The following BLTP1 variants were observed in gnomAD, a reference collection of about 807,000 sequenced individuals.
BLTP1 encodes fragile site-associated protein.
At chr4:122,239,479 G>C in the BLTP1 span, 1 of 1,449,292 alleles carries the variant, frequency 6.9e-7, no homozygotes, top group African/African-American at 1.4e-5. Context: ...ATTTTATGAT[G>C]TATAGAAAAT....
chr4:122,238,089 T>C, the BLTP1 span: 19 of 1,613,572 alleles, frequency 1.2e-5, no homozygotes, highest in Admixed American at 5.0e-5. Flanking sequence ...TTTGTTTGTT[T>C]AGGTAATGTG....
the BLTP1 span, chr4:122,207,382 AT>A: frequency 7.2e-7 from 1 of 1,384,628 alleles, no homozygotes; most frequent in African/African-American, 1.5e-5. Context: ...TCCCCCCATT[AT>A]CTTTGTGAGA....
chr4:122,174,914 C>T, the BLTP1 span: 1 of 431,258 alleles, frequency 2.3e-6, no homozygotes, highest in Non-Finnish European at 3.1e-6. Context: ...CTTTAAATTG[C>T]CTGACCATTT....
At chr4:122,187,819 A>T in the BLTP1 span, 1 of 1,428,624 alleles carries the variant, frequency 7.0e-7, no homozygotes. Flanking sequence ...GTTTGTTATT[A>T]GTTTAGCTAA....
the BLTP1 span, chr4:122,346,313 C>G: frequency 3.1e-6 from 1 of 324,852 alleles, no homozygotes; most frequent in East Asian, 1.7e-4. Context: ...CCTGATGATT[C>G]ATTTTCCATA....
the BLTP1 span, chr4:122,172,862 C>T: frequency 8.6e-3 from 7,847 of 915,164 alleles, 492 homozygotes; most frequent in African/African-American, 0.13. Context: ...AAACATTGCT[C>T]TAATGGATCT....
chr4:122,263,622 T>C, the BLTP1 span: 21 of 1,514,354 alleles, frequency 1.4e-5, no homozygotes, highest in Non-Finnish European at 1.7e-5. Flanking sequence ...TCACATTATT[T>C]TGCTTAACTG....
chr4:122,359,821 T>C, the BLTP1 span: 1 of 1,468,670 alleles, frequency 6.8e-7, no homozygotes, highest in Non-Finnish European at 8.9e-7. Context: ...AAAAAATATA[T>C]TCAGAAGTTA....
the BLTP1 span, among the ~76,000 whole-genome samples, chr4:122,216,770 A>G: frequency 2.0e-5 from 3 of 151,788 alleles, no homozygotes; most frequent in South Asian, 2.1e-4. Context: ...TAGTTTAATT[A>G]GGTCCCGTTT....
the BLTP1 span, among the ~76,000 whole-genome samples, chr4:122,350,750 T>C: frequency 6.6e-6 from 1 of 152,074 alleles, no homozygotes; most frequent in South Asian, 2.1e-4. Flanking sequence ...GGCTAAGATG[T>C]GGGGGAAGAG....
chr4:122,339,549 T>C, the BLTP1 span: 1 of 603,354 alleles, frequency 1.7e-6, no homozygotes, highest in Non-Finnish European at 2.5e-6. Context: ...AAGAAATCTA[T>C]AGCAGACCAA....
At chr4:122,239,664 T>G in the BLTP1 span, 1 of 1,614,094 alleles carries the variant, frequency 6.2e-7, no homozygotes, top group Non-Finnish European at 8.5e-7. Context: ...TACTGCTGCT[T>G]TCTATGGGGA....
chr4:122,276,549 C>A, the BLTP1 span: 1 of 985,206 alleles, frequency 1.0e-6, no homozygotes, highest in Non-Finnish European at 1.2e-6. Flanking sequence ...CTGTTCACAT[C>A]TAGAGAGCCA....
At chr4:122,222,078 A>G in the BLTP1 span, 2 of 177,970 alleles carry the variant, frequency 1.1e-5, no homozygotes, top group Admixed American at 6.5e-5. Flanking sequence ...AGGTGAAAGT[A>G]GAAGTACTAG....
chr4:122,355,823 C>CT, the BLTP1 span: 2 of 1,601,270 alleles, frequency 1.2e-6, no homozygotes, highest in African/African-American at 2.7e-5. Context: ...AATGTTGATG[C>CT]TAACAACACT....
chr4:122,334,630 C>T, the BLTP1 span: 9 of 1,335,768 alleles, frequency 6.7e-6, no homozygotes, highest in Non-Finnish European at 9.3e-6. Flanking sequence ...CTTTCCAATG[C>T]ACATGTTTAA....
the BLTP1 span, chr4:122,152,557 A>G: frequency 4.1e-6 from 4 of 985,612 alleles, 1 homozygote; most frequent in South Asian, 1.4e-4. Context: ...GGCCAGAGGG[A>G]TTTCGGGCTG....
the BLTP1 span, chr4:122,304,920 G>A: frequency 6.2e-7 from 1 of 1,613,954 alleles, no homozygotes; most frequent in Non-Finnish European, 8.5e-7. Context: ...GCAGCTATCT[G>A]AAACTGTTTG....
At chr4:122,318,199 CAGTT>C in the BLTP1 span, 1 of 1,610,168 alleles carries the variant, frequency 6.2e-7, no homozygotes, top group Non-Finnish European at 8.5e-7. Flanking sequence ...ACGTTACCAA[CAGTT>C]AGAATCTGTG....
Sources: gnomAD v4.1 joint callset for allele counts (sites outside exome capture counted in the v4.1 genomes callset) on GRCh38, gnomAD v4.1.1 for gene constraint, MANE v1.5 for transcripts, NCBI Gene and HGNC (gene_info 2026-07-23, HGNC 2026-07-21) for gene names.